Variants in NAALADL2 observed in about 807,000 individuals in gnomAD.
NAALADL2 encodes inactive N-acetylated-alpha-linked acidic dipeptidase-like protein 2.
Under a neutral mutation model 87.2 loss-of-function variants are expected in NAALADL2, and 76 were observed. The observed-to-expected ratio is 0.87, with a 90% confidence interval of 0.72 to 1.05. The LOEUF (loss-of-function observed/expected upper bound fraction) is 1.05. Among genes scored for constraint, NAALADL2 ranks in the 50% least tolerant of loss-of-function variants. NAALADL2 has a pLI of 0.00. For synonymous variants in NAALADL2, 354 were observed against 331.0 expected, an observed-to-expected ratio of 1.07 and a Z score of -0.75; for missense variants, 1,089 against 945.8, an observed-to-expected ratio of 1.15 and a Z score of -1.99.
In NAALADL2 at chr3:175,398,471, T is replaced by C. The variant is rs16825615; in HGVS notation, c.1091-48758T>C. Among the ~76,000 whole-genome samples the C allele has an allele frequency of 7.2e-3, 1,093 of 152,066 alleles. 8 individuals are homozygous for C. The highest frequency in any genetic ancestry group is 0.025 in the African/African-American group (1,053 of 41,478). On this transcript the variant is annotated intron_variant, in intron 5 of 13. Coordinates refer to ENST00000454872, the MANE Select transcript of NAALADL2 (RefSeq NM_207015.3). The stretch of plus-strand genomic sequence containing the variant: ...TGAAAGCACTGTATGGTTCTCATTG[T>C]ATTGTTTTCAAACTCTGTTATGTGC...
chr3:175,081,901 AG>A (rs2109247409), intron 1 of NAALADL2, among the ~76,000 whole-genome samples: 1 of 152,308 alleles, frequency 6.6e-6, no homozygotes, highest in African/African-American at 2.4e-5. Flanking sequence ...ATAATCTTAA[AG>A]GCAATGATGA....
At chr3:174,530,351 A>G (rs948518434) in intron 1 of NAALADL2, among the ~76,000 whole-genome samples, 3 of 152,170 alleles carry the variant, frequency 2.0e-5, no homozygotes, top group Non-Finnish European at 4.4e-5. Context: ...TATCATTATC[A>G]GCATTTTGGT....
chr3:174,678,993 C>G (rs1727289276), intron 2 of NAALADL2, among the ~76,000 whole-genome samples: 2 of 152,016 alleles, frequency 1.3e-5, no homozygotes, highest in African/African-American at 2.4e-5. Context: ...TAGTATCTTT[C>G]TTTTTGTTGT....
rs530006985 is a variant in NAALADL2 at position 175,788,728 on chromosome 3, G to A, written c.2190-14277G>A. On this transcript the variant is annotated intron_variant, in intron 13 of 13. Coordinates refer to ENST00000454872, the MANE Select transcript of NAALADL2 (RefSeq NM_207015.3). ...GCTAGCCATTAGTACTAGTAGTCAT[G>A]GCTAGATGGTCACATAAATATATTT... Among the ~76,000 whole-genome samples the A allele has an allele frequency of 5.3e-4, 80 of 152,220 alleles. 1 individual carries two copies. The South Asian group carries it at 7.1e-3, about 13-fold the overall frequency.
At chr3:174,921,597 C>G (rs1384617251) in intron 1 of NAALADL2, among the ~76,000 whole-genome samples, 2 of 151,820 alleles carry the variant, frequency 1.3e-5, no homozygotes, top group South Asian at 2.1e-4. Context: ...GTCAGGAGAT[C>G]GAGACCATCC....
At chr3:175,693,511 T>C (rs1312560836) in intron 11 of NAALADL2, among the ~76,000 whole-genome samples, 1 of 152,078 alleles carries the variant, frequency 6.6e-6, no homozygotes, top group East Asian at 1.9e-4. Context: ...AGTTAAATTC[T>C]TTTTACTACA....
intron 3 of NAALADL2, among the ~76,000 whole-genome samples, chr3:174,770,771 A>G (rs1420523570): frequency 6.6e-6 from 1 of 151,682 alleles, no homozygotes; most frequent in African/African-American, 2.4e-5. Flanking sequence ...ACCGGGAGGC[A>G]GAGCTTGCGG....
chr3:174,942,440 C>G (rs896184474), intron 1 of NAALADL2, among the ~76,000 whole-genome samples: 1 of 152,036 alleles, frequency 6.6e-6, no homozygotes, highest in Non-Finnish European at 1.5e-5. Context: ...GCTAACCTGC[C>G]CTTTCTCTCT....
chr3:174,702,389 T>C (rs1729640605), intron 2 of NAALADL2, among the ~76,000 whole-genome samples: 1 of 152,150 alleles, frequency 6.6e-6, no homozygotes, highest in East Asian at 1.9e-4. Flanking sequence ...ATGACATAAA[T>C]GGGCAATTAC....
At position 174,842,192 on chromosome 3, in the gene NAALADL2, C is replaced by T. The variant is rs531555605; in HGVS notation, c.-9+104446C>T. On this transcript the variant is annotated intron_variant, in intron 3 of 3. Coordinates refer to the NAALADL2 transcript ENST00000434257. Reference sequence around the variant, plus strand: ...TCAGCTTCCTGAATAGCTGGGATTACAGCCATGCACCACCACGCCTGGCTA... The same window carrying T: ...TCAGCTTCCTGAATAGCTGGGATTATAGCCATGCACCACCACGCCTGGCTA... Among the ~76,000 whole-genome samples the T allele has an allele frequency of 2.2e-4, 33 of 152,124 alleles. No individual in the cohort carries two copies. The South Asian group carries it at 6.4e-3, about 30-fold the overall frequency.
chr3:175,215,376 C>T (rs909164265), intron 2 of NAALADL2, among the ~76,000 whole-genome samples: 5 of 152,140 alleles, frequency 3.3e-5, no homozygotes, highest in African/African-American at 4.8e-5. Context: ...TCTCCTCCCA[C>T]GATAGCATTT....
At chr3:175,274,646 T>A (rs1753324768) in intron 4 of NAALADL2, among the ~76,000 whole-genome samples, 1 of 152,178 alleles carries the variant, frequency 6.6e-6, no homozygotes. Context: ...GGGTCTTTAA[T>A]CATTGCTCAA....
intron 11 of NAALADL2, among the ~76,000 whole-genome samples, chr3:175,734,693 T>C (rs1402459467): frequency 1.3e-5 from 2 of 152,190 alleles, no homozygotes; most frequent in Admixed American, 6.5e-5. Context: ...GCCTGTGTTG[T>C]TCCTTGGCCC....
intron 1 of NAALADL2, among the ~76,000 whole-genome samples, chr3:174,989,542 T>C (rs1291410402): frequency 6.6e-6 from 1 of 152,180 alleles, no homozygotes; most frequent in Non-Finnish European, 1.5e-5. Flanking sequence ...TTGGTTTTTA[T>C]GTTGTTGGTA....
At chr3:174,635,802 C>T (rs938632425) in intron 2 of NAALADL2, among the ~76,000 whole-genome samples, 5 of 151,942 alleles carry the variant, frequency 3.3e-5, no homozygotes, top group Admixed American at 6.6e-5. Flanking sequence ...CACGTCTGGA[C>T]GATATTCACA....
chr3:174,963,343 TAAG>T (rs1742397653), intron 1 of NAALADL2, among the ~76,000 whole-genome samples: 1 of 152,068 alleles, frequency 6.6e-6, no homozygotes, highest in African/African-American at 2.4e-5. Context: ...TTAAAAAAAA[TAAG>T]AAATTGTATC....
chr3:174,888,426 TGTA>T (rs1373471202), intron 1 of NAALADL2, among the ~76,000 whole-genome samples: 1 of 152,230 alleles, frequency 6.6e-6, no homozygotes, highest in African/African-American at 2.4e-5. Context: ...TATTGGTGAA[TGTA>T]GTAGTCTTCA....
chr3:175,037,116 C>T (rs770324144), intron 1 of NAALADL2, among the ~76,000 whole-genome samples: 10 of 151,838 alleles, frequency 6.6e-5, no homozygotes, highest in East Asian at 1.9e-4. Context: ...CTGCCAGTAA[C>T]GAAAAAAGCT....
At chr3:174,510,653 GT>G (rs528649692) in intron 1 of NAALADL2, among the ~76,000 whole-genome samples, 1 of 151,452 alleles carries the variant, frequency 6.6e-6, no homozygotes, top group Admixed American at 6.6e-5. Context: ...CCAGCTTTTG[GT>G]TTTTTTGATT....
Sources: gnomAD v4.1 joint callset for allele counts (sites outside exome capture counted in the v4.1 genomes callset) on GRCh38, gnomAD v4.1.1 for gene constraint, MANE v1.5 for transcripts, NCBI Gene and HGNC (gene_info 2026-07-23, HGNC 2026-07-21) for gene names.